Variants in ZC3H13 observed in about 807,000 individuals in gnomAD.
ZC3H13 encodes zinc finger CCCH domain-containing protein 13.
In ZC3H13, 64 loss-of-function variants were observed where a neutral mutation model predicts 204.1. The observed-to-expected ratio is 0.31, with a 90% confidence interval of 0.26 to 0.39. ZC3H13 has a LOEUF of 0.39. ZC3H13 is among the 10% of genes least tolerant of loss of function. ZC3H13 has a pLI of 1.00. For missense variants in ZC3H13, 1,833 were observed against 2,082.7 expected, an observed-to-expected ratio of 0.88 and a Z score of 2.33; for synonymous variants, 667 against 693.7, an observed-to-expected ratio of 0.96 and a Z score of 0.60.
chr13:45,960,387 T>C (rs1951594579), intron 17 of ZC3H13, among the ~76,000 whole-genome samples: 1 of 152,230 alleles, frequency 6.6e-6, no homozygotes, highest in Non-Finnish European at 1.5e-5. Context: ...TTCAAGACTT[T>C]ATTATAGCAA....
chr13:45,971,165 A>AT (rs1183890283), intron 12 of ZC3H13, among the ~76,000 whole-genome samples: 16 of 152,224 alleles, frequency 1.1e-4, no homozygotes, highest in African/African-American at 3.9e-4. Context: ...CGTTCATTAT[A>AT]TTTTTTGTTC....
In ZC3H13 at chr13:45,975,608, G is replaced by A. The variant is rs777430712; in HGVS notation, c.2143C>T (p.Arg715Trp). The change falls in exon 12 of 19, where the codon CGG (arginine) becomes TGG (tryptophan). Residue 715 changes from arginine to tryptophan, a missense_variant. Physicochemically the swap from Arg to Trp is moderately radical, Grantham distance 101. Transcript: ENST00000679008. ...CTCTCTTTTTCTCTTTCTCTCTCCC[G>A]TTCCCTAGCACGCTCTCTTTCTAGT... is the stretch of plus-strand genomic sequence containing the variant. The part of the protein sequence containing the change: ...RELERERARE[R>W]EREREKERDR... 18 of 1,566,154 alleles carry A rather than the reference G, an allele frequency of 1.1e-5. No homozygotes were observed. The highest frequency in any genetic ancestry group is 3.5e-5 in the South Asian group (3 of 86,780).
Position 45,985,530 on chromosome 13 carries a change from C to G in ZC3H13, c.1487G>C (p.Arg496Thr). The change falls in exon 10 of 19, where the codon AGA (arginine) becomes ACA (threonine). Residue 496 changes from arginine (R) to threonine (T), a missense_variant. This residue lies in a region of ZC3H13 where 1,574 missense variants were observed against 1,757.2 expected (regional missense o/e 0.90). Transcript: ENST00000679008. ...GGCATCACGAGTGGACCGAGAATCT[C>G]TGGGATCACGGCTCTCTTTGGTATC... ...SRDTKESRDP[R>T]DSRSTRDAHD... The G allele has an allele frequency of 6.2e-7, 1 of 1,614,190 alleles. No individual in the cohort carries two copies.
chr13:46,023,408 C>T (rs1017370678), intron 4 of ZC3H13, among the ~76,000 whole-genome samples: 3 of 152,166 alleles, frequency 2.0e-5, no homozygotes, highest in African/African-American at 7.2e-5. Flanking sequence ...GTTCTAACCT[C>T]TGGAATTATG....
rs1200594154 is a variant in ZC3H13 at position 46,003,231 on chromosome 13, A to G, written c.852T>C (p.Tyr284=). 1.9e-6 allele frequency: 3 copies of G among 1,612,844 alleles called. No individual in the cohort carries two copies. The African/African-American group carries it at 4.0e-5, about 22-fold the overall frequency. The change falls in exon 8 of 19, where the codon TAT becomes TAC. Residue 284 remains tyrosine (Y), a synonymous_variant. Transcript: ENST00000679008. The part of the protein sequence containing the change: ...IALGKKYKEK[Y]KVKDRIEEKT... The stretch of plus-strand genomic sequence containing the variant: ...TTTCTTCTATCCTGTCTTTTACTTT[A>G]TATTTTTCTTTGTATTTTTTCCCCA...
At position 45,975,494 on chromosome 13, in the gene ZC3H13, TTTCTCG is replaced by T. The variant is rs1952952135; in HGVS notation, c.2251_2256del (p.Arg753_Glu754del). On this transcript the variant is annotated inframe_deletion, in exon 12 of 19. Coordinates refer to ENST00000679008, the MANE Select transcript of ZC3H13 (RefSeq NM_001330564.2). The stretch of plus-strand genomic sequence containing the variant: ...TCTCTCTCCCTCTCTCTCTCTTCTC[TTTCTCG>T]TTCCCGTTCTTTTTCCCTGTCTCGT... 1.2e-6 allele frequency: 2 copies of T among 1,612,756 alleles called. No individual in the cohort carries two copies. Among genetic ancestry groups the T allele is most frequent in the African/African-American group, 2.7e-5 (2 of 74,664 alleles).
At chr13:46,011,292 C>G in intron 6 of ZC3H13, 123 bp downstream of exon 6, 1 of 767,192 alleles carries the variant, frequency 1.3e-6, no homozygotes, top group Non-Finnish European at 2.0e-6. Flanking sequence ...AGTACATATA[C>G]AGTGGGTTGA....
At chr13:46,012,425 G>A (rs1030687363) in intron 5 of ZC3H13, among the ~76,000 whole-genome samples, 1 of 152,028 alleles carries the variant, frequency 6.6e-6, no homozygotes, top group Non-Finnish European at 1.5e-5. Flanking sequence ...TAGCACTTTA[G>A]ATCATATCTT....
intron 8 of ZC3H13, among the ~76,000 whole-genome samples, chr13:45,998,648 C>CA (rs538785317): frequency 0.022 from 3,033 of 140,640 alleles, 96 homozygotes; most frequent in African/African-American, 0.072. Flanking sequence ...AACTCCGTCT[C>CA]AAAAAAAAAA....
intron 4 of ZC3H13, among the ~76,000 whole-genome samples, chr13:46,030,661 T>C (rs2042836406): frequency 6.6e-6 from 1 of 152,158 alleles, no homozygotes; most frequent in South Asian, 2.1e-4. Context: ...CTTTCCTATA[T>C]ACAACGGTAA....
At position 45,968,026 on chromosome 13, in the gene ZC3H13, G is replaced by A. The variant is rs753611810; in HGVS notation, c.3799C>T (p.Arg1267Cys). 19 of 1,578,518 alleles carry A rather than the reference G, an allele frequency of 1.2e-5. No homozygotes were observed. Among genetic ancestry groups the A allele is most frequent in the East Asian group, 2.2e-5 (1 of 44,752 alleles). The change falls in exon 15 of 19, where the codon CGC (arginine) becomes TGC (cysteine). Residue 1267 changes from arginine to cysteine, a missense_variant and splice_region_variant. Physicochemically the swap from Arg to Cys is radical, Grantham distance 180 (BLOSUM62 -3). Transcript: ENST00000679008. ...GEPSRSTSSD[R>C]QDSRSHSSRR... Reference sequence around the variant, plus strand: ...GAACTATGGCTTCTTGAATCCTGGCGATCTAAAATAAATATACCATATATA... The same window carrying A: ...GAACTATGGCTTCTTGAATCCTGGCAATCTAAAATAAATATACCATATATA...
chr13:45,970,025 G>A, intron 13 of ZC3H13, 54 bp from the exon 14 acceptor site: 1 of 1,519,214 alleles, frequency 6.6e-7, no homozygotes, highest in Admixed American at 2.2e-5. Flanking sequence ...ACCACTGCAT[G>A]GTACATATAG....
At chr13:45,960,234 G>A (rs1951583169) in intron 17 of ZC3H13, among the ~76,000 whole-genome samples, 1 of 152,126 alleles carries the variant, frequency 6.6e-6, no homozygotes, top group Non-Finnish European at 1.5e-5. Flanking sequence ...TGGGATTACA[G>A]CCATGAGTCA....
intron 1 of ZC3H13, 128 bp from the exon 2 acceptor site, chr13:46,045,644 TAAA>T: frequency 3.6e-6 from 2 of 556,946 alleles, no homozygotes. Context: ...CTTGGGAGAT[TAAA>T]AAAAAAAAGC....
chr13:46,011,468 T>C lies in ZC3H13; in HGVS notation c.535A>G (p.Lys179Glu), dbSNP rs995003703. The C allele has an allele frequency of 5.0e-6, 8 of 1,606,640 alleles. No individual in the cohort carries two copies. The highest frequency in any genetic ancestry group is 8.5e-7 in the Non-Finnish European group (1 of 1,176,934). Residue 179 changes from lysine to glutamate, a missense_variant, in exon 6 of 19, where the codon AAG becomes GAG. Physicochemically the swap from Lys to Glu is moderately conservative, Grantham distance 56. Around this residue, in one of 5 missense-constraint regions of ZC3H13, gnomAD observed 1,574 missense variants for 1,757.2 expected, o/e 0.90. Transcript: ENST00000679008. Reference sequence around the variant, plus strand: ...TTCTCCATGTTTTCTTGTTCCAGCTTCATTAATTCCCTCTGTATCTTCTGA... The same window carrying C: ...TTCTCCATGTTTTCTTGTTCCAGCTCCATTAATTCCCTCTGTATCTTCTGA... Reference protein sequence around the residue: ...KRQKIQRELMKLEQENMEKRE... With the variant: ...KRQKIQRELMELEQENMEKRE...
chr13:46,006,575 T>A (rs1314877533), intron 7 of ZC3H13, among the ~76,000 whole-genome samples: 12 of 150,846 alleles, frequency 8.0e-5, no homozygotes, highest in Admixed American at 7.9e-4. Flanking sequence ...ACCCTTTTCA[T>A]ACATCTGGTG....
intron 4 of ZC3H13, among the ~76,000 whole-genome samples, chr13:46,037,012 C>G (rs763408853): frequency 2.6e-5 from 4 of 152,154 alleles, no homozygotes; most frequent in Non-Finnish European, 4.4e-5. Context: ...AGCCACCACA[C>G]TCAGCTATCC....
At chr13:46,009,869 A>G (rs2041422165) in intron 7 of ZC3H13, among the ~76,000 whole-genome samples, 1 of 152,156 alleles carries the variant, frequency 6.6e-6, no homozygotes, top group Admixed American at 6.5e-5. Flanking sequence ...TAAATGTTCC[A>G]CAGAAAAGCA....
chr13:45,985,767 A>G lies in ZC3H13; in HGVS notation c.1256-6T>C, dbSNP rs1954128858. ...GTCTCGTTTGCCCCTAGTATCTGTA[A>G]TGCAATTTTGGAAATTGACTGTAAT... On this transcript the variant is annotated splice_region_variant and splice_polypyrimidine_tract_variant and intron_variant, in intron 9 of 18. Transcript: ENST00000679008. 1.3e-6 allele frequency: 2 copies of G among 1,576,136 alleles called. No homozygotes were observed. The highest frequency in any genetic ancestry group is 2.2e-5 in the East Asian group (1 of 44,510).
Sources: allele counts gnomAD v4.1 joint callset (sites outside exome capture counted in the v4.1 genomes callset), GRCh38; gene constraint gnomAD v4.1.1; regional missense constraint gnomAD v4.1.1; transcripts MANE v1.5; gene names NCBI Gene and HGNC (gene_info 2026-07-23, HGNC 2026-07-21).